The following CNNM2 variants were observed in gnomAD, a reference collection of about 807,000 sequenced individuals.
CNNM2 encodes metal transporter CNNM2.
A neutral mutation model predicts 66.9 loss-of-function variants in CNNM2; 12 were observed. That is an observed-to-expected ratio of 0.18 (90% confidence interval 0.11 to 0.29). The LOEUF is 0.29. Among genes scored for constraint, CNNM2 ranks in the 10% least tolerant of loss-of-function variants. The pLI, the probability that CNNM2 is intolerant of heterozygous loss-of-function variation, is 1.00. For synonymous variants in CNNM2, 557 were observed against 501.8 expected, an observed-to-expected ratio of 1.11 and a Z score of -1.47; for missense variants, 705 against 1,167.7, an observed-to-expected ratio of 0.60 and a Z score of 5.77.
At chr10:102,952,623 A>G (rs1390713821) in intron 1 of CNNM2, among the ~76,000 whole-genome samples, 1 of 49,280 alleles carries the variant, frequency 2.0e-5, no homozygotes, top group Admixed American at 2.0e-4. Context: ...TGTCTCTACC[A>G]AAAAAAAAAA....
chr10:102,927,980 A>G (rs896048864), intron 1 of CNNM2, among the ~76,000 whole-genome samples: 2 of 152,116 alleles, frequency 1.3e-5, no homozygotes, highest in African/African-American at 2.4e-5. Context: ...TTGAATTCAC[A>G]TGCTGTGGGG....
chr10:103,026,708 G>C (rs1026190712), intron 1 of CNNM2, among the ~76,000 whole-genome samples: 1 of 151,660 alleles, frequency 6.6e-6, no homozygotes. Flanking sequence ...CTAGATAGCA[G>C]TCTATTAGAC....
At chr10:102,964,473 C>T (rs2063429665) in intron 1 of CNNM2, among the ~76,000 whole-genome samples, 1 of 152,176 alleles carries the variant, frequency 6.6e-6, no homozygotes, top group Non-Finnish European at 1.5e-5. Context: ...AAGTGATTCA[C>T]CCGCTTCGGC....
In CNNM2 at chr10:102,919,210, A is replaced by G. The variant is rs1453621410; in HGVS notation, c.730A>G (p.Ile244Val). The change falls in exon 1 of 8, where the codon ATC becomes GTC. Residue 244 changes from isoleucine to valine, a missense_variant. Ile to Val is a conservative substitution (Grantham distance 29, BLOSUM62 3). Around this residue, in one of 9 missense-constraint regions of CNNM2, gnomAD observed 49 missense variants for 183.7 expected, o/e 0.27. Coordinates refer to ENST00000369878, the MANE Select transcript of CNNM2 (RefSeq NM_017649.5). The part of the protein sequence containing the change: ...IYHDGEDTKM[I>V]VGEEKKFLLP... Reference sequence around the variant, plus strand: ...CCACGACGGCGAGGACACCAAGATGATCGTAGGCGAAGAGAAGAAGTTCCT... The same window carrying G: ...CCACGACGGCGAGGACACCAAGATGGTCGTAGGCGAAGAGAAGAAGTTCCT... The G allele has an allele frequency of 1.2e-6, 2 of 1,612,642 alleles. No homozygotes were observed. The highest frequency in any genetic ancestry group is 3.3e-5 in the Admixed American group (2 of 60,002).
chr10:103,010,491 A>G (rs1018962688), intron 1 of CNNM2, among the ~76,000 whole-genome samples: 9 of 152,046 alleles, frequency 5.9e-5, no homozygotes, highest in Non-Finnish European at 1.3e-4. Flanking sequence ...TGGCTTCTCA[A>G]AGTGCTGGGA....
intron 1 of CNNM2, among the ~76,000 whole-genome samples, chr10:102,941,948 G>A (rs1846450956): frequency 6.6e-6 from 1 of 152,174 alleles, no homozygotes; most frequent in African/African-American, 2.4e-5. Flanking sequence ...TGTTGAGAAT[G>A]TGTTGTGATA....
intron 1 of CNNM2, among the ~76,000 whole-genome samples, chr10:103,046,377 C>T (rs917629543): frequency 6.6e-6 from 1 of 152,154 alleles, no homozygotes; most frequent in Admixed American, 6.5e-5. Flanking sequence ...GAATGCTAAG[C>T]TTGTGGGAGT....
chr10:102,925,296 CAAAAAAAAAAAAAAAAAA>C (rs10624810), intron 1 of CNNM2, among the ~76,000 whole-genome samples: 3 of 17,748 alleles, frequency 1.7e-4, no homozygotes, highest in East Asian at 3.6e-3. Context: ...AACTCCATCT[CAAAAAAAAAAAAAAAAAA>C]AAAAAAAAAA....
intron 1 of CNNM2, among the ~76,000 whole-genome samples, chr10:102,968,108 A>G (rs1208764435): frequency 7.7e-6 from 1 of 130,682 alleles, no homozygotes; most frequent in Non-Finnish European, 1.7e-5. Context: ...TGGGTCATAT[A>G]GTAAGAATAT....
At chr10:102,947,535 A>G (rs1425527872) in intron 1 of CNNM2, among the ~76,000 whole-genome samples, 3 of 150,722 alleles carry the variant, frequency 2.0e-5, no homozygotes, top group South Asian at 2.1e-4. Flanking sequence ...GGCAGATCAC[A>G]TGAGGTCAGG....
At chr10:102,970,195 G>A (rs975442210) in intron 1 of CNNM2, among the ~76,000 whole-genome samples, 16 of 152,160 alleles carry the variant, frequency 1.1e-4, no homozygotes, top group African/African-American at 3.9e-4. Context: ...GCATACTTAT[G>A]GTCCCAGCTA....
intron 1 of CNNM2, among the ~76,000 whole-genome samples, chr10:102,963,115 C>CGAA (rs1475846694): frequency 6.6e-6 from 1 of 152,168 alleles, no homozygotes; most frequent in African/African-American, 2.4e-5. Context: ...CTCTAAACTT[C>CGAA]TTTGATGAGA....
At position 102,918,680 on chromosome 10, in the gene CNNM2, G is replaced by T; in HGVS notation, c.200G>T (p.Gly67Val). 1 of 1,553,574 alleles carries T rather than the reference G, an allele frequency of 6.4e-7. No homozygotes were observed. Among genetic ancestry groups the T allele is most frequent in the South Asian group, 1.2e-5 (1 of 84,164 alleles). ...GGTGCGGGCGGCTGCGCAGCGGTGG[G>T]CGAGAATGAGGAGACGGTGATCATC... Reference protein sequence around the residue: ...CCGAGGCAAVGENEETVIIGL... With the variant: ...CCGAGGCAAVVENEETVIIGL... The change falls in exon 1 of 8, where the codon GGC becomes GTC. Residue 67 changes from glycine to valine, a missense_variant. By Grantham distance (109) the Gly-to-Val change is moderately radical. Around this residue, in one of 9 missense-constraint regions of CNNM2, gnomAD observed 37 missense variants for 58.5 expected, o/e 0.63. Coordinates refer to ENST00000369878, the MANE Select transcript of CNNM2 (RefSeq NM_017649.5). The surrounding 1 kb of genome is among the most constrained non-coding windows in gnomAD (Gnocchi z 4.1).
At chr10:103,060,382 T>G (rs942958013) in intron 4 of CNNM2, among the ~76,000 whole-genome samples, 20 of 152,042 alleles carry the variant, frequency 1.3e-4, no homozygotes, top group African/African-American at 4.8e-4. Flanking sequence ...GGCAATGTGG[T>G]GAAACCCTGT....
At chr10:102,940,300 C>T (rs80049162) in intron 1 of CNNM2, among the ~76,000 whole-genome samples, 40 of 151,912 alleles carry the variant, frequency 2.6e-4, no homozygotes, top group African/African-American at 8.7e-4. Flanking sequence ...GTTTTGAAAA[C>T]GCATCTTTTA....
At chr10:103,064,190 C>A (rs2065436914) in intron 4 of CNNM2, among the ~76,000 whole-genome samples, 1 of 152,200 alleles carries the variant, frequency 6.6e-6, no homozygotes, top group Non-Finnish European at 1.5e-5. Flanking sequence ...TGTGATAACT[C>A]TTCCTAAGTG....
At chr10:102,956,053 T>G (rs541275850) in intron 1 of CNNM2, among the ~76,000 whole-genome samples, 1 of 152,214 alleles carries the variant, frequency 6.6e-6, no homozygotes, top group African/African-American at 2.4e-5. Flanking sequence ...TTTGGGAGGC[T>G]GAGGCGGGCG....
At chr10:103,035,467 CTATT>C (rs2064918835) in intron 1 of CNNM2, among the ~76,000 whole-genome samples, 1 of 152,096 alleles carries the variant, frequency 6.6e-6, no homozygotes, top group African/African-American at 2.4e-5. Flanking sequence ...GCATGCCTCA[CTATT>C]TATAAGAAAA....
At chr10:102,989,639 C>A (rs1193734211) in intron 1 of CNNM2, among the ~76,000 whole-genome samples, 1 of 151,878 alleles carries the variant, frequency 6.6e-6, no homozygotes, top group African/African-American at 2.4e-5. Flanking sequence ...CCGATCTCTA[C>A]TAAAAATACA....
Sources: gnomAD v4.1 joint callset for allele counts (sites outside exome capture counted in the v4.1 genomes callset) on GRCh38, gnomAD v4.1.1 for gene constraint, gnomAD v4.1.1 regional missense constraint, Gnocchi (gnomAD v3.1) non-coding constraint, MANE v1.5 for transcripts, NCBI Gene and HGNC (gene_info 2026-07-23, HGNC 2026-07-21) for gene names.